AGBL4: variants seen among roughly 807,000 people sequenced by gnomAD.
The protein encoded by AGBL4 is cytosolic carboxypeptidase 6.
Under a neutral mutation model 66.4 loss-of-function variants are expected in AGBL4, and 58 were observed. The observed-to-expected ratio is 0.87, with a 90% CI of 0.71 to 1.09. AGBL4 has a LOEUF of 1.09. AGBL4 is among the 50% of genes least tolerant of loss of function. The pLI is 0.00. For missense variants in AGBL4, 579 were observed against 631.0 expected (o/e 0.92, Z 0.88); for synonymous variants, 234 against 222.9 (o/e 1.05, Z -0.44).
intron 9 of AGBL4, 108 bp downstream of exon 9, chr1:48,634,385 G>T (rs1645635614): frequency 1.2e-6 from 1 of 856,120 alleles, no homozygotes; most frequent in Non-Finnish European, 1.8e-6. Flanking sequence ...CCTGGTTTTA[G>T]CTATGTATTC....
At chr1:49,368,597 A>G (rs1644283782) in intron 3 of AGBL4, among the ~76,000 whole-genome samples, 1 of 152,134 alleles carries the variant, frequency 6.6e-6, no homozygotes, top group African/African-American at 2.4e-5. Flanking sequence ...CCTCCTTTCA[A>G]GCCCAGGCAC....
intron 9 of AGBL4, among the ~76,000 whole-genome samples, chr1:48,604,920 A>C (rs1461360171): frequency 6.6e-6 from 1 of 152,378 alleles, no homozygotes; most frequent in Non-Finnish European, 1.5e-5. Flanking sequence ...CCATATCTAC[A>C]TAAAAACCTT....
At chr1:49,467,865 C>A (rs1015350785) in intron 3 of AGBL4, among the ~76,000 whole-genome samples, 5 of 151,768 alleles carry the variant, frequency 3.3e-5, no homozygotes, top group Admixed American at 6.6e-5. Flanking sequence ...TTTAAGAGTT[C>A]CCATTTGGGT....
At chr1:49,840,004 G>T (rs553172514) in intron 2 of AGBL4, among the ~76,000 whole-genome samples, 1 of 152,252 alleles carries the variant, frequency 6.6e-6, no homozygotes, top group South Asian at 2.1e-4. Context: ...AGATTATAGA[G>T]AGGAACCCAA....
intron 3 of AGBL4, among the ~76,000 whole-genome samples, chr1:49,675,259 G>A (rs1272660517): frequency 6.6e-6 from 1 of 152,010 alleles, no homozygotes; most frequent in Admixed American, 6.6e-5. Context: ...AATCTTTCAT[G>A]GGCCCCTTGC....
chr1:49,885,602 A>G (rs1013367297), intron 1 of AGBL4, among the ~76,000 whole-genome samples: 9 of 152,092 alleles, frequency 5.9e-5, no homozygotes, highest in Non-Finnish European at 1.0e-4. Flanking sequence ...GCTACAATCA[A>G]TTAGAGGATG....
At chr1:49,644,321 T>C (rs1645841941) in intron 3 of AGBL4, among the ~76,000 whole-genome samples, 1 of 151,424 alleles carries the variant, frequency 6.6e-6, no homozygotes, top group South Asian at 2.1e-4. Context: ...TATAAAAAAA[T>C]GCAAACATTC....
At chr1:48,964,067 T>C (rs1324215188) in intron 5 of AGBL4, among the ~76,000 whole-genome samples, 3 of 152,152 alleles carry the variant, frequency 2.0e-5, no homozygotes, top group Admixed American at 1.3e-4. Flanking sequence ...GATTAAAGAA[T>C]AGGCAAGACA....
intron 2 of AGBL4, among the ~76,000 whole-genome samples, chr1:49,761,237 A>C (rs939907759): frequency 3.9e-5 from 6 of 152,096 alleles, no homozygotes; most frequent in African/African-American, 1.4e-4. Context: ...AATTGTTTTC[A>C]AGAGTTTATT....
intron 1 of AGBL4, among the ~76,000 whole-genome samples, chr1:49,930,417 C>G (rs1653214794): frequency 6.6e-6 from 1 of 152,034 alleles, no homozygotes; most frequent in Non-Finnish European, 1.5e-5. Context: ...CAAACTCTTT[C>G]AGAAACTTGA....
chr1:49,473,985 T>A (rs1646799014), intron 3 of AGBL4, among the ~76,000 whole-genome samples: 1 of 152,092 alleles, frequency 6.6e-6, no homozygotes, highest in South Asian at 2.1e-4. Context: ...GTTATGTTGA[T>A]CTGTGTCTAC....
At chr1:49,522,496 T>A (rs1374462398) in intron 3 of AGBL4, among the ~76,000 whole-genome samples, 1 of 152,118 alleles carries the variant, frequency 6.6e-6, no homozygotes, top group African/African-American at 2.4e-5. Context: ...CCTGCCCTAT[T>A]AGACTATAAG....
At chr1:48,667,125 T>C (rs1039611270) in intron 6 of AGBL4, among the ~76,000 whole-genome samples, 2 of 152,314 alleles carry the variant, frequency 1.3e-5, no homozygotes, top group African/African-American at 4.8e-5. Flanking sequence ...CATCGACAAA[T>C]TCTTTGTTCA....
intron 3 of AGBL4, among the ~76,000 whole-genome samples, chr1:49,488,696 C>T (rs1647122215): frequency 6.6e-6 from 1 of 151,794 alleles, no homozygotes; most frequent in Non-Finnish European, 1.5e-5. Flanking sequence ...CCACCCCTCC[C>T]ACTATCCTTC....
chr1:48,736,546 T>A lies in AGBL4; in HGVS notation c.635-73305A>T. 1.9e-6 allele frequency: 2 copies of A among 1,063,226 alleles called. No homozygotes were observed. The highest frequency in any genetic ancestry group is 2.8e-6 in the Non-Finnish European group (2 of 707,374). The allele number at this position is 1,063,226 out of a possible 1,614,324, so 65.9% of individuals were successfully genotyped here. A position where few individuals can be genotyped will look rare whatever the true frequency, so the allele number is the denominator to read the frequency against. ...TTTAAAAAGCATTGCTGCACAACTGTAAGAGATTCATGTCATAAATATGAA... is the reference window on the plus strand; with the variant it reads ...TTTAAAAAGCATTGCTGCACAACTGAAAGAGATTCATGTCATAAATATGAA... On this transcript the variant is annotated intron_variant, in intron 6 of 13. Transcript: ENST00000371839. The surrounding 1 kb of genome is among the most constrained non-coding windows in gnomAD (Gnocchi z 4.0).
chr1:49,880,535 G>A (rs1002385593), intron 1 of AGBL4, among the ~76,000 whole-genome samples: 1 of 152,024 alleles, frequency 6.6e-6, no homozygotes, highest in African/African-American at 2.4e-5. Context: ...CTCCAGCTGC[G>A]TGCTGGGAGA....
At chr1:49,579,689 C>T (rs777829497) in intron 3 of AGBL4, among the ~76,000 whole-genome samples, 3 of 152,040 alleles carry the variant, frequency 2.0e-5, no homozygotes, top group Non-Finnish European at 2.9e-5. Flanking sequence ...TTAGTAGAGA[C>T]GGGGTTTCAC....
intron 2 of AGBL4, among the ~76,000 whole-genome samples, chr1:49,801,885 T>G (rs890989013): frequency 6.6e-6 from 1 of 152,246 alleles, no homozygotes; most frequent in Non-Finnish European, 1.5e-5. Context: ...TGTTATGGTG[T>G]CATCCTTCTG....
At chr1:49,921,506 C>T (rs190897096) in intron 1 of AGBL4, among the ~76,000 whole-genome samples, 9 of 152,150 alleles carry the variant, frequency 5.9e-5, no homozygotes, top group East Asian at 5.8e-4. Flanking sequence ...AAGGCTCACA[C>T]GATCACAAGG....
Sources: gnomAD v4.1 joint callset for allele counts (sites outside exome capture counted in the v4.1 genomes callset) on GRCh38, gnomAD v4.1.1 for gene constraint, Gnocchi (gnomAD v3.1) non-coding constraint, MANE v1.5 for transcripts, NCBI Gene and HGNC (gene_info 2026-07-23, HGNC 2026-07-21) for gene names.